Variants in WDR81 observed in about 807,000 individuals in gnomAD.
The protein encoded by WDR81 is WD repeat domain 81, also known as WD repeat-containing protein 81.
WDR81 carries 92 observed loss-of-function variants against 140.8 expected under a neutral mutation model. The observed-to-expected ratio is 0.65, with a 90% CI of 0.55 to 0.78. WDR81 has a LOEUF of 0.78. Ranked by LOEUF, WDR81 falls within the 30% of genes least tolerant of loss-of-function variation. The pLI, the probability that WDR81 is intolerant of heterozygous loss-of-function variation, is 0.00. For synonymous variants in WDR81, 1,183 were observed against 1,156.4 expected (o/e 1.02, Z -0.47); for missense variants, 2,502 against 2,636.4 (o/e 0.95, Z 1.12).
rs766883251 is a variant in WDR81 at position 1,727,108 on chromosome 17, G to A, written c.2149G>A (p.Gly717Arg). The change falls in exon 1 of 10, where the codon GGG becomes AGG. Residue 717 changes from glycine to arginine, a missense_variant. Gly to Arg is a moderately radical substitution (Grantham distance 125). This residue lies in a region of WDR81 where 1,737 missense variants were observed against 1,843.0 expected (regional missense o/e 0.94). Coordinates refer to ENST00000409644, the MANE Select transcript of WDR81 (RefSeq NM_001163809.2). ...GGCAGACCCTGGGGAGGGTGAGGAG[G>A]GGAGGATTCTTCTTCCCGAGGGCTT... The part of the protein sequence containing the change: ...AGADPGEGEE[G>R]RILLPEGFNP... 7 of 1,547,304 alleles carry A rather than the reference G, an allele frequency of 4.5e-6. No homozygotes were observed. The highest frequency in any genetic ancestry group is 5.2e-6 in the Non-Finnish European group (6 of 1,144,870).
chr17:1,735,473 G>T lies in WDR81; in HGVS notation c.5180-99G>T. The T allele has an allele frequency of 2.5e-6, 3 of 1,214,040 alleles. No homozygotes were observed. Among genetic ancestry groups the T allele is most frequent in the South Asian group, 3.3e-5 (2 of 60,356 alleles). 75.2% of individuals were successfully genotyped at this position (1,214,040 alleles called of 1,614,324 possible). ...TAGCATTTTCTAAGGATCCCTGGGG[G>T]ACGGGAGGCAGGTGTGCGGTGAGTT... is the stretch of plus-strand genomic sequence containing the variant. On this transcript the variant is annotated intron_variant, in intron 7 of 9. Transcript: ENST00000409644. The surrounding 1 kb of genome is among the most constrained non-coding windows in gnomAD (Gnocchi z 4.2).
chr17:1,736,281 T>C (rs1904864175), intron 9 of WDR81, 63 bp downstream of exon 9: 1 of 1,538,826 alleles, frequency 6.5e-7, no homozygotes, highest in Non-Finnish European at 8.7e-7. Context: ...CCATCACCCC[T>C]GCTTAGGGTC....
In WDR81 at chr17:1,726,855, A is replaced by T; in HGVS notation, c.1896A>T (p.Gly632=). 1 of 1,550,154 alleles carries T rather than the reference A, an allele frequency of 6.5e-7. No individual in the cohort carries two copies. The highest frequency in any genetic ancestry group is 8.7e-7 in the Non-Finnish European group (1 of 1,146,900). ...FTENPGQLPN[G]VGRPVLEATP... is the part of the protein sequence containing the mutation. ...AAAACCCGGGACAGCTTCCAAATGG[A>T]GTGGGCCGGCCAGTTTTAGAGGCCA... The change falls in exon 1 of 10, where the codon GGA becomes GGT. Residue 632 remains glycine, a synonymous_variant. Transcript: ENST00000409644.
rs1329092174 is a variant in WDR81 at position 1,725,712 on chromosome 17, C to T, written c.753C>T (p.Ala251=). The change falls in exon 1 of 10, where the codon GCC becomes GCT. Residue 251 remains alanine (A), a synonymous_variant. Transcript: ENST00000409644. ...SLHDVVTFSP[A]KLTNSQAKVL... is the part of the protein sequence containing the mutation. ...ATGACGTGGTCACCTTCAGCCCTGC[C>T]AAGCTGACCAACAGCCAGGCCAAGG... is the stretch of plus-strand genomic sequence containing the variant. The T allele has an allele frequency of 2.6e-6, 4 of 1,550,220 alleles. No individual in the cohort carries two copies. Among genetic ancestry groups the T allele is most frequent in the Admixed American group, 2.0e-5 (1 of 51,010 alleles).
chr17:1,721,848 G>T (rs963999051), upstream of WDR81, among the ~76,000 whole-genome samples: 5 of 151,128 alleles, frequency 3.3e-5, no homozygotes, highest in African/African-American at 1.2e-4. Context: ...ATCAGGCCGG[G>T]CACGGTGGCT....
chr17:1,732,192 G>A (rs558181809), intron 4 of WDR81, 133 bp from the exon 5 acceptor site: 140 of 1,248,796 alleles, frequency 1.1e-4, no homozygotes, highest in East Asian at 4.4e-4. Context: ...AGCCGAGATC[G>A]CACCACTGCA....
intron 1 of WDR81, chr17:1,716,842 G>A: frequency 1.6e-6 from 1 of 624,088 alleles, no homozygotes; most frequent in East Asian, 2.8e-5. Flanking sequence ...CAGGGCAGCA[G>A]AGACTGCCGT....
At chr17:1,723,491 T>G (rs2151158490), upstream of WDR81, among the ~76,000 whole-genome samples, 1 of 146,918 alleles carries the variant, frequency 6.8e-6, no homozygotes, top group East Asian at 1.9e-4. Flanking sequence ...ATTTATTTAT[T>G]TATTTATTCT....
intron 1 of WDR81, chr17:1,716,788 G>T: frequency 2.3e-6 from 2 of 867,332 alleles, no homozygotes; most frequent in South Asian, 1.6e-5. Flanking sequence ...TTTAAGGAAA[G>T]GTGGAGCGGA....
chr17:1,728,394 C>G lies in WDR81; in HGVS notation c.3435C>G (p.Asp1145Glu). The change falls in exon 1 of 10, where the codon GAC (aspartate) becomes GAG (glutamate). Residue 1145 changes from aspartate (D) to glutamate (E), a missense_variant. Asp to Glu is a conservative substitution (Grantham distance 45). Around this residue, in one of 3 missense-constraint regions of WDR81, gnomAD observed 1,737 missense variants for 1,843.0 expected, o/e 0.94. Transcript: ENST00000409644. ...TTCGATCAGGTGACAGCAGCCAGGA[C>G]TTGAAGCAAAGCGAGGGCTCCGAGG... is the stretch of plus-strand genomic sequence containing the variant. The part of the protein sequence containing the change: ...SSLRSGDSSQ[D>E]LKQSEGSEEE... 6.2e-7 allele frequency: 1 copy of G among 1,612,838 alleles called. No homozygotes were observed. The highest frequency in any genetic ancestry group is 8.5e-7 in the Non-Finnish European group (1 of 1,179,888).
intron 7 of WDR81, among the ~76,000 whole-genome samples, chr17:1,734,734 G>T (rs558908434): frequency 6.6e-6 from 1 of 150,852 alleles, no homozygotes; most frequent in South Asian, 2.1e-4. Flanking sequence ...AGCCGAGATC[G>T]CACCACTGCA....
intron 6 of WDR81, 76 bp from the exon 7 acceptor site, chr17:1,733,451 C>T: frequency 7.0e-7 from 1 of 1,430,384 alleles, no homozygotes; most frequent in Non-Finnish European, 9.3e-7. Flanking sequence ...TCTTCTGTGG[C>T]TCCCGAGTCC....
At chr17:1,734,293 TG>T in intron 7 of WDR81, 77 bp downstream of exon 7, 1 of 1,442,600 alleles carries the variant, frequency 6.9e-7, no homozygotes. Flanking sequence ...GGCCCGAGGG[TG>T]GGGCTGTAAT....
chr17:1,726,401 A>C lies in WDR81; in HGVS notation c.1442A>C (p.Glu481Ala), dbSNP rs1341496445. The C allele has an allele frequency of 6.5e-7, 1 of 1,550,110 alleles. No homozygotes were observed. The highest frequency in any genetic ancestry group is 8.7e-7 in the Non-Finnish European group (1 of 1,146,924). Residue 481 changes from glutamate to alanine, a missense_variant, in exon 1 of 10, where the codon GAG (glutamate) becomes GCG (alanine). Physicochemically the swap from Glu to Ala is moderately radical, Grantham distance 107. Coordinates refer to ENST00000409644, the MANE Select transcript of WDR81 (RefSeq NM_001163809.2). The stretch of plus-strand genomic sequence containing the variant: ...CCCCATGAGTATCCGGCCAGCATGG[A>C]GCGGATGCAGAACTGGACCCCGGAT... ...WEPHEYPASM[E>A]RMQNWTPDEC...
In WDR81 at chr17:1,727,260, C is replaced by T; in HGVS notation, c.2301C>T (p.Leu767=). The T allele has an allele frequency of 6.5e-7, 1 of 1,550,314 alleles. No individual in the cohort carries two copies. The highest frequency in any genetic ancestry group is 8.7e-7 in the Non-Finnish European group (1 of 1,146,954). The change falls in exon 1 of 10, where the codon CTC becomes CTT. Residue 767 remains leucine, a synonymous_variant. Coordinates refer to ENST00000409644, the MANE Select transcript of WDR81 (RefSeq NM_001163809.2). Reference sequence around the variant, plus strand: ...CGGCTGTGCCACTGCAGTGCCTACTCCACAGGGACATGCAGGCGCTGGGTG... The same window carrying T: ...CGGCTGTGCCACTGCAGTGCCTACTTCACAGGGACATGCAGGCGCTGGGTG... The part of the protein sequence containing the change: ...VQPAVPLQCL[L]HRDMQALGVL...
At position 1,725,354 on chromosome 17, in the gene WDR81, C is replaced by G. The variant is rs1414674989; in HGVS notation, c.395C>G (p.Pro132Arg). 3 of 1,549,242 alleles carry G rather than the reference C, an allele frequency of 1.9e-6. No homozygotes were observed. ...GLPFEDGSCGPETLTRFMQEV... is the reference protein window; with the variant it reads ...GLPFEDGSCGRETLTRFMQEV... ...CCCTTTGAGGACGGGTCCTGCGGCCCTGAGACCCTCACTCGCTTCATGCAG... is the reference window on the plus strand; with the variant it reads ...CCCTTTGAGGACGGGTCCTGCGGCCGTGAGACCCTCACTCGCTTCATGCAG... The change falls in exon 1 of 10, where the codon CCT (proline) becomes CGT (arginine). Residue 132 changes from proline to arginine, a missense_variant. Coordinates refer to ENST00000409644, the MANE Select transcript of WDR81 (RefSeq NM_001163809.2).
At chr17:1,729,700 C>T (rs1361211855) in intron 1 of WDR81, among the ~76,000 whole-genome samples, 4 of 152,210 alleles carry the variant, frequency 2.6e-5, no homozygotes, top group East Asian at 3.9e-4. Flanking sequence ...CGGTGCTTCA[C>T]GCCTGTAATC....
rs573214180 is a variant in WDR81, at chr17:1,737,888, G to C, written c.*203G>C. ...CACCAGAGCCACCAAGCCTGCCAGAGGGGTCTCATTCATGGCTTGGGGACA... is the reference window on the plus strand; with the variant it reads ...CACCAGAGCCACCAAGCCTGCCAGACGGGTCTCATTCATGGCTTGGGGACA... On this transcript the variant is annotated 3_prime_UTR_variant, in exon 10 of 10. Coordinates refer to ENST00000409644, the MANE Select transcript of WDR81 (RefSeq NM_001163809.2). 2 of 665,756 alleles carry C rather than the reference G, an allele frequency of 3.0e-6. No individual in the cohort carries two copies. The highest frequency in any genetic ancestry group is 2.0e-5 in the South Asian group (1 of 50,702). 41.2% of individuals were successfully genotyped at this position (665,756 alleles called of 1,614,324 possible). A position where few individuals can be genotyped will look rare whatever the true frequency, so the allele number is the denominator to read the frequency against.
At position 1,736,174 on chromosome 17, in the gene WDR81, C is replaced by G. The variant is rs372834851; in HGVS notation, c.5461C>G (p.Leu1821Val). Residue 1821 changes from leucine (L) to valine (V), a missense_variant, in exon 9 of 10, where the codon CTG (leucine) becomes GTG (valine). Physicochemically the swap from Leu to Val is conservative, Grantham distance 32 (BLOSUM62 1). Coordinates refer to ENST00000409644, the MANE Select transcript of WDR81 (RefSeq NM_001163809.2). ...VLLDTRTGLVLRGWPAHEGDI... is the reference protein window; with the variant it reads ...VLLDTRTGLVVRGWPAHEGDI... ...CCTGGACACCCGCACAGGCCTGGTT[C>G]TGCGAGGCTGGCCAGCCCACGAGGG... The G allele has an allele frequency of 4.4e-6, 7 of 1,599,788 alleles. No homozygotes were observed. In the African/African-American group the frequency reaches 8.0e-5, roughly 18 times the overall value.
Sources: allele counts gnomAD v4.1 joint callset (sites outside exome capture counted in the v4.1 genomes callset), GRCh38; gene constraint gnomAD v4.1.1; regional missense constraint gnomAD v4.1.1; non-coding constraint Gnocchi (gnomAD v3.1); transcripts MANE v1.5; gene names NCBI Gene and HGNC (gene_info 2026-07-23, HGNC 2026-07-21).